Variants in REV1 observed in about 807,000 individuals in gnomAD.
REV1 encodes the protein translesion synthesis protein REV1.
In REV1, 42 loss-of-function variants were observed where a neutral mutation model predicts 137.4. That is an observed-to-expected ratio of 0.31 (90% confidence interval 0.24 to 0.40). REV1 has a LOEUF of 0.40. REV1 is among the 10% of genes least tolerant of loss of function. REV1 has a pLI of 1.00. For missense variants in REV1, 1,282 were observed against 1,490.1 expected (o/e 0.86, Z 2.30); for synonymous variants, 524 against 519.2 (o/e 1.01, Z -0.12).
At chr2:99,428,825 T>TA (rs981792996) in intron 9 of REV1, among the ~76,000 whole-genome samples, 1 of 151,600 alleles carries the variant, frequency 6.6e-6, no homozygotes, top group African/African-American at 2.4e-5. Context: ...CTGCCTCTAC[T>TA]AAAAAAATAC....
chr2:99,489,382 C>T (rs991923867), intron 1 of REV1, among the ~76,000 whole-genome samples: 15 of 152,058 alleles, frequency 9.9e-5, no homozygotes, highest in Non-Finnish European at 2.2e-4. Context: ...CGAACGCGCG[C>T]GTGAATGAAT....
chr2:99,440,366 G>A (rs1681325903), intron 5 of REV1, among the ~76,000 whole-genome samples: 1 of 152,206 alleles, frequency 6.6e-6, no homozygotes, highest in Non-Finnish European at 1.5e-5. Flanking sequence ...GTAAGCCACA[G>A]GTGAAATTAC....
At chr2:99,484,844 C>T (rs892020860) in intron 1 of REV1, among the ~76,000 whole-genome samples, 3 of 152,242 alleles carry the variant, frequency 2.0e-5, no homozygotes, top group East Asian at 1.9e-4. Flanking sequence ...GTTATGACCT[C>T]GGGAACTGGC....
At position 99,439,166 on chromosome 2, in the gene REV1, C is replaced by T. The variant is rs763266927; in HGVS notation, c.648G>A (p.Pro216=). The T allele has an allele frequency of 3.1e-6, 5 of 1,614,070 alleles. No individual in the cohort carries two copies. The highest frequency in any genetic ancestry group is 1.7e-5 in the Admixed American group (1 of 60,018). The change falls in exon 6 of 23, where the codon CCG becomes CCA. Residue 216 remains proline, a synonymous_variant. Transcript: ENST00000258428. ...AAATGGCAGTGCTCCCTCTGGGATG[C>T]GGAATTCCATTCTGTTTCCTTCCCG... ...TSPGRKQNGI[P]HPRGSTAIFN... is the part of the protein sequence containing the mutation.
At chr2:99,414,657 A>AT (rs1392459144) in intron 12 of REV1, among the ~76,000 whole-genome samples, 35 of 151,934 alleles carry the variant, frequency 2.3e-4, no homozygotes, top group African/African-American at 8.2e-4. Context: ...TCTTTTTGTT[A>AT]TTTCTTTTTT....
chr2:99,458,318 A>G (rs1362605407), intron 3 of REV1, among the ~76,000 whole-genome samples: 4 of 152,224 alleles, frequency 2.6e-5, no homozygotes, highest in Non-Finnish European at 5.9e-5. Flanking sequence ...TGATGTAAAG[A>G]TAAGAAATAA....
chr2:99,402,359 A>G lies in REV1; in HGVS notation c.3542-13T>C, dbSNP rs374281024. 2 of 1,285,968 alleles carry G rather than the reference A, an allele frequency of 1.6e-6. No individual in the cohort carries two copies. Among genetic ancestry groups the G allele is most frequent in the Non-Finnish European group, 2.2e-6 (2 of 899,356 alleles). 79.7% of individuals were successfully genotyped at this position (1,285,968 alleles called of 1,614,324 possible). On this transcript the variant is annotated splice_polypyrimidine_tract_variant and intron_variant, in intron 21 of 22. Coordinates refer to ENST00000258428, the MANE Select transcript of REV1 (RefSeq NM_016316.4). ...TCTTCCATTGGATCTAGGAAGGGGG[A>G]AAAACTTCAAATGAGGACCAGTCTT...
At position 99,406,399 on chromosome 2, in the gene REV1, C is replaced by G. The variant is rs147078832; in HGVS notation, c.2540G>C (p.Ser847Thr). The G allele has an allele frequency of 4.8e-5, 77 of 1,613,846 alleles. No homozygotes were observed. The African/African-American group carries it at 9.5e-4, about 20-fold the overall frequency. ...GACATCACGGACAGAGTATGACCCA[C>G]TAGGAAAGTGGCTTGACTGAACTGA... ...RPSVQSSHFP[S>T]GSYSVRDVFQ... The change falls in exon 16 of 23, where the codon AGT becomes ACT. Residue 847 changes from serine to threonine, a missense_variant. By Grantham distance (58) the Ser-to-Thr change is moderately conservative (BLOSUM62 1). Coordinates refer to ENST00000258428, the MANE Select transcript of REV1 (RefSeq NM_016316.4).
intron 13 of REV1, among the ~76,000 whole-genome samples, chr2:99,412,257 CAAAAAAAAAAAA>C (rs1160440580): frequency 1.9e-5 from 1 of 53,026 alleles, no homozygotes; most frequent in Non-Finnish European, 3.4e-5. Flanking sequence ...GACTCCATCT[CAAAAAAAAAAAA>C]AAAAAAAAAA....
chr2:99,436,586 T>A (rs1018392083), intron 6 of REV1: 1 of 152,522 alleles, frequency 6.6e-6, no homozygotes. Context: ...TTAAATACTA[T>A]TAAAGATCAG....
At chr2:99,474,846 G>A (rs1685798707) in intron 1 of REV1, among the ~76,000 whole-genome samples, 1 of 151,936 alleles carries the variant, frequency 6.6e-6, no homozygotes, top group Admixed American at 6.6e-5. Flanking sequence ...AGGTTGCAAT[G>A]AGCCGAGATT....
intron 4 of REV1, 84 bp from the exon 5 acceptor site, chr2:99,442,553 A>G (rs1351039394): frequency 8.0e-7 from 1 of 1,248,746 alleles, no homozygotes; most frequent in Non-Finnish European, 1.1e-6. Flanking sequence ...CCTTAAAGAT[A>G]CAGTATTTCA....
intron 14 of REV1, among the ~76,000 whole-genome samples, chr2:99,409,255 T>C (rs1170951235): frequency 6.6e-6 from 1 of 152,264 alleles, no homozygotes; most frequent in Admixed American, 6.5e-5. Flanking sequence ...CTAATTGTAA[T>C]TTATAATTCC....
chr2:99,423,677 A>AATAAT (rs1678976446), intron 10 of REV1, among the ~76,000 whole-genome samples: 1 of 152,218 alleles, frequency 6.6e-6, no homozygotes, highest in Admixed American at 6.5e-5. Flanking sequence ...AACTATTATT[A>AATAAT]AAGACCCACT....
At chr2:99,429,714 A>AG in intron 9 of REV1, 126 bp downstream of exon 9, 1 of 595,508 alleles carries the variant, frequency 1.7e-6, no homozygotes, top group Non-Finnish European at 2.8e-6. Context: ...GAGATGATTA[A>AG]GGCTAAAACC....
chr2:99,449,188 C>G, intron 4 of REV1, 148 bp downstream of exon 4: 1 of 307,526 alleles, frequency 3.3e-6, no homozygotes, highest in Admixed American at 5.3e-5. Flanking sequence ...CTGCTTGAGC[C>G]TGGGAGGTTG....
At chr2:99,437,981 TA>T (rs1321719508) in intron 6 of REV1, among the ~76,000 whole-genome samples, 1 of 151,998 alleles carries the variant, frequency 6.6e-6, no homozygotes. Context: ...TCTCTCCCCA[TA>T]AAAAAATCCT....
chr2:99,453,495 G>A (rs945661879), intron 3 of REV1, among the ~76,000 whole-genome samples: 3 of 152,150 alleles, frequency 2.0e-5, no homozygotes, highest in East Asian at 1.9e-4. Flanking sequence ...ATTAAATTTT[G>A]CAATTCATAA....
intron 11 of REV1, among the ~76,000 whole-genome samples, chr2:99,419,545 A>G (rs1678381486): frequency 6.6e-6 from 1 of 152,180 alleles, no homozygotes; most frequent in Admixed American, 6.5e-5. Flanking sequence ...GTCTGTAGGA[A>G]TTGAAGGCCA....
Sources: allele counts gnomAD v4.1 joint callset (sites outside exome capture counted in the v4.1 genomes callset), GRCh38; gene constraint gnomAD v4.1.1; transcripts MANE v1.5; gene names NCBI Gene and HGNC (gene_info 2026-07-23, HGNC 2026-07-21).